The following SMG6 variants were observed in gnomAD, a reference collection of about 807,000 sequenced individuals.
SMG6 encodes the protein SMG6 nonsense mediated mRNA decay factor.
SMG6 carries 66 observed loss-of-function variants against 142.2 expected under a neutral mutation model. That is an observed-to-expected ratio of 0.46 (90% CI 0.38 to 0.57). The LOEUF is 0.57. SMG6 is among the 20% of genes least tolerant of loss of function. The pLI is 0.00. For missense variants in SMG6, 1,793 were observed against 1,832.0 expected, an observed-to-expected ratio of 0.98 and a Z score of 0.39; for synonymous variants, 779 against 702.4, an observed-to-expected ratio of 1.11 and a Z score of -1.72.
chr17:2,213,504 A>G (rs16952025), intron 10 of SMG6, among the ~76,000 whole-genome samples: 48,617 of 152,012 alleles, frequency 0.32, 8,223 homozygotes, highest in Admixed American at 0.38. Context: ...CCAGGCCATC[A>G]TTCTTGAGGG....
intron 13 of SMG6, among the ~76,000 whole-genome samples, chr17:2,156,395 A>C (rs1192968812): frequency 2.7e-5 from 1 of 37,732 alleles, no homozygotes; most frequent in Non-Finnish European, 6.8e-5. Context: ...CTCCTTCTCA[A>C]AAAAAAAAAA....
chr17:2,121,620 T>TGC (rs1463105887), intron 13 of SMG6, among the ~76,000 whole-genome samples: 3 of 64,622 alleles, frequency 4.6e-5, no homozygotes, highest in African/African-American at 1.9e-4. Context: ...TGTGTGTGTG[T>TGC]GTGTGTGTGT....
Position 2,068,937 on chromosome 17 carries a change from G to A in SMG6, c.3682-6C>T, listed in dbSNP as rs2068022720. Reference sequence around the variant, plus strand: ...CTGTGGTCCTCCAGGACAGCCTATGGGGACAGAGTGGTGAATGAGCCAGAC... The same window carrying A: ...CTGTGGTCCTCCAGGACAGCCTATGAGGACAGAGTGGTGAATGAGCCAGAC... On this transcript the variant is annotated splice_polypyrimidine_tract_variant and splice_region_variant and intron_variant, in intron 15 of 18. Transcript: ENST00000263073. The surrounding 1 kb of genome is among the most constrained non-coding windows in gnomAD (Gnocchi z 6.7). 2 of 1,613,652 alleles carry A rather than the reference G, an allele frequency of 1.2e-6. No homozygotes were observed. The highest frequency in any genetic ancestry group is 1.7e-6 in the Non-Finnish European group (2 of 1,179,674).
intron 1 of SMG6, among the ~76,000 whole-genome samples, chr17:2,302,351 G>A (rs967865056): frequency 6.6e-6 from 1 of 152,164 alleles, no homozygotes; most frequent in Non-Finnish European, 1.5e-5. Flanking sequence ...GACCATCCTG[G>A]CCAACACGGA....
intron 12 of SMG6, among the ~76,000 whole-genome samples, chr17:2,182,924 A>T (rs905080622): frequency 2.6e-5 from 4 of 152,148 alleles, no homozygotes; most frequent in African/African-American, 9.7e-5. Flanking sequence ...GGGGTGAAAC[A>T]GAGAAAGACA....
intron 8 of SMG6, among the ~76,000 whole-genome samples, chr17:2,254,682 T>A (rs978839166): frequency 5.9e-5 from 9 of 152,096 alleles, no homozygotes; most frequent in Non-Finnish European, 1.0e-4. Context: ...GTAAGAGGGA[T>A]GGTGAAGACT....
intron 13 of SMG6, among the ~76,000 whole-genome samples, chr17:2,153,098 T>C (rs1248811986): frequency 6.6e-6 from 1 of 152,246 alleles, no homozygotes; most frequent in African/African-American, 2.4e-5. Context: ...ATCAAGCTTA[T>C]CCAACCCGTG....
intron 13 of SMG6, among the ~76,000 whole-genome samples, chr17:2,170,154 G>C (rs2151645972): frequency 6.6e-6 from 1 of 152,250 alleles, no homozygotes; most frequent in African/African-American, 2.4e-5. Context: ...TGTTAGGTTT[G>C]ACATACCTAT....
intron 8 of SMG6, among the ~76,000 whole-genome samples, chr17:2,252,362 T>C (rs980366105): frequency 2.7e-5 from 4 of 150,644 alleles, no homozygotes; most frequent in African/African-American, 9.7e-5. Flanking sequence ...ATGGCGCCAC[T>C]GCATTCCAGC....
intron 8 of SMG6, chr17:2,266,206 TC>T: frequency 1.0e-6 from 1 of 985,200 alleles, no homozygotes; most frequent in Non-Finnish European, 1.2e-6. Flanking sequence ...GTCCTGACTT[TC>T]CGGATGGTAA....
At chr17:2,153,274 C>T (rs1284241117) in intron 13 of SMG6, among the ~76,000 whole-genome samples, 3 of 152,114 alleles carry the variant, frequency 2.0e-5, no homozygotes, top group Non-Finnish European at 4.4e-5. Flanking sequence ...GATTGGCACC[C>T]CTGCTCTATG....
At position 2,299,110 on chromosome 17, in the gene SMG6, G is replaced by C. The variant is rs558518948; in HGVS notation, c.1643C>G (p.Pro548Arg). Residue 548 changes from proline (P) to arginine (R), a missense_variant, in exon 2 of 19, where the codon CCG (proline) becomes CGG (arginine). By Grantham distance (103) the Pro-to-Arg change is moderately radical. This residue lies in a region of SMG6 where 1,597 missense variants were observed against 1,584.6 expected (regional missense o/e 1.01). Transcript: ENST00000263073. This position sits in a 1 kb window ranked among gnomAD's most constrained non-coding sequence, Gnocchi z 4.3. ...ACACACATACTGTCCTGACGGAGTC[G>C]GGTAGCCTGGGTAGTAAGGCCCTGG... ...VYPGPYYPGY[P>R]TPSGQYVCSP... 1.2e-6 allele frequency: 2 copies of C among 1,614,028 alleles called. No homozygotes were observed. The highest frequency in any genetic ancestry group is 1.7e-6 in the Non-Finnish European group (2 of 1,179,932).
intron 13 of SMG6, among the ~76,000 whole-genome samples, 162 bp downstream of exon 13, chr17:2,172,496 A>G (rs2071535207): frequency 6.6e-6 from 1 of 151,940 alleles, no homozygotes; most frequent in Non-Finnish European, 1.5e-5. Context: ...TTTTCAGGAC[A>G]CAGAGCTGGA....
intron 13 of SMG6, among the ~76,000 whole-genome samples, chr17:2,103,973 T>C (rs2069082775): frequency 6.6e-6 from 1 of 150,742 alleles, no homozygotes; most frequent in Non-Finnish European, 1.5e-5. Flanking sequence ...TTTTTTTCAG[T>C]TGGAATCTTG....
intron 18 of SMG6, chr17:2,061,981 CACCGCT>C (rs1172575761): frequency 5.4e-6 from 1 of 183,670 alleles, no homozygotes; most frequent in African/African-American, 2.4e-5. Flanking sequence ...CAGATCACAA[CACCGCT>C]CTCCCCACAC....
At chr17:2,072,636 A>T (rs1039269118) in intron 15 of SMG6, among the ~76,000 whole-genome samples, 2 of 152,198 alleles carry the variant, frequency 1.3e-5, no homozygotes. Flanking sequence ...ACTGAACATT[A>T]CAAGTAACAG....
intron 16 of SMG6, among the ~76,000 whole-genome samples, chr17:2,066,400 GCCTC>G (rs920216840): frequency 6.6e-6 from 1 of 151,356 alleles, no homozygotes; most frequent in African/African-American, 2.4e-5. Flanking sequence ...GTGCCTGTCT[GCCTC>G]CCTATGTGTC....
At chr17:2,190,771 G>A (rs551371247) in intron 10 of SMG6, among the ~76,000 whole-genome samples, 1 of 152,284 alleles carries the variant, frequency 6.6e-6, no homozygotes, top group South Asian at 2.1e-4. Context: ...CCTTGGTGAC[G>A]GTTATGTCAC....
intron 8 of SMG6, among the ~76,000 whole-genome samples, chr17:2,250,262 A>G (rs1386163157): frequency 6.6e-6 from 1 of 152,216 alleles, no homozygotes; most frequent in East Asian, 1.9e-4. Context: ...AATTTCTGAA[A>G]AGTGAATCAT....
Sources: gnomAD v4.1 joint callset for allele counts (sites outside exome capture counted in the v4.1 genomes callset) on GRCh38, gnomAD v4.1.1 for gene constraint, gnomAD v4.1.1 regional missense constraint, Gnocchi (gnomAD v3.1) non-coding constraint, MANE v1.5 for transcripts, NCBI Gene and HGNC (gene_info 2026-07-23, HGNC 2026-07-21) for gene names.